DLG2: variants seen among roughly 807,000 people sequenced by gnomAD.
The protein encoded by DLG2 is discs large MAGUK scaffold protein 2.
A neutral mutation model predicts 132.5 loss-of-function variants in DLG2; 45 were observed. That is an observed-to-expected ratio of 0.34 (90% CI 0.27 to 0.44). DLG2 has a LOEUF of 0.44. Among genes scored for constraint, DLG2 ranks in the 20% least tolerant of loss-of-function variants. The pLI is 1.00. For synonymous variants in DLG2, 424 were observed against 419.6 expected, an observed-to-expected ratio of 1.01 and a Z score of -0.13; for missense variants, 1,045 against 1,196.9, an observed-to-expected ratio of 0.87 and a Z score of 1.87.
At chr11:83,871,241 G>A (rs952946397) in intron 16 of DLG2, among the ~76,000 whole-genome samples, 1 of 152,032 alleles carries the variant, frequency 6.6e-6, no homozygotes, top group Non-Finnish European at 1.5e-5. Context: ...CTGCTAATAG[G>A]GATATTATTC....
At chr11:84,036,851 T>C (rs2095876055) in intron 11 of DLG2, among the ~76,000 whole-genome samples, 1 of 152,132 alleles carries the variant, frequency 6.6e-6, no homozygotes, top group Non-Finnish European at 1.5e-5. Context: ...AGTAAATATT[T>C]AGAAGAGAGC....
intron 6 of DLG2, among the ~76,000 whole-genome samples, chr11:84,824,841 A>G (rs942064846): frequency 2.6e-5 from 4 of 151,814 alleles, no homozygotes; most frequent in Non-Finnish European, 4.4e-5. Flanking sequence ...GTGTGGCAAC[A>G]TACCAGGGCT....
At chr11:84,279,341 C>A (rs1217706855) in intron 7 of DLG2, among the ~76,000 whole-genome samples, 1 of 152,118 alleles carries the variant, frequency 6.6e-6, no homozygotes, top group Non-Finnish European at 1.5e-5. Context: ...GAAATAGGAA[C>A]AATTTTACAC....
chr11:84,492,493 T>C (rs963481239), intron 7 of DLG2, among the ~76,000 whole-genome samples: 1 of 152,192 alleles, frequency 6.6e-6, no homozygotes, highest in Non-Finnish European at 1.5e-5. Context: ...AAATTAGAGT[T>C]TGAATACTGA....
intron 6 of DLG2, among the ~76,000 whole-genome samples, chr11:84,794,604 G>C (rs562394532): frequency 7.7e-4 from 117 of 152,352 alleles, no homozygotes; most frequent in Non-Finnish European, 1.4e-3. Context: ...TATGGGCCCA[G>C]GTATCTCTGC....
At chr11:84,714,631 CTCTCTCTCTCTCTCTT>C (rs2060964608) in intron 6 of DLG2, among the ~76,000 whole-genome samples, 3 of 135,542 alleles carry the variant, frequency 2.2e-5, no homozygotes, top group African/African-American at 3.2e-5. Context: ...CTTTCTCTCT[CTCTCTCTCTCTCTCTT>C]TCTCTCTCTC....
chr11:84,931,652 G>A (rs967761899), intron 6 of DLG2, among the ~76,000 whole-genome samples: 1 of 152,140 alleles, frequency 6.6e-6, no homozygotes, highest in Non-Finnish European at 1.5e-5. Context: ...GGGTTAAATG[G>A]TATTTCTGTC....
intron 6 of DLG2, among the ~76,000 whole-genome samples, chr11:84,746,984 A>G (rs917678767): frequency 3.3e-5 from 5 of 152,194 alleles, no homozygotes; most frequent in Admixed American, 2.6e-4. Flanking sequence ...TTCTTCCTGC[A>G]TTTTATAGAT....
At chr11:84,723,920 A>G (rs899190452) in intron 6 of DLG2, among the ~76,000 whole-genome samples, 3 of 152,196 alleles carry the variant, frequency 2.0e-5, no homozygotes, top group Admixed American at 1.3e-4. Context: ...ATTACAAAAA[A>G]CAGGATTATC....
intron 7 of DLG2, among the ~76,000 whole-genome samples, chr11:84,350,976 C>T (rs1353668990): frequency 6.6e-6 from 1 of 152,082 alleles, no homozygotes; most frequent in Admixed American, 6.5e-5. Flanking sequence ...TTTAGAGAGT[C>T]ATGGTTTGGC....
At chr11:84,335,567 A>T (rs2098480843) in intron 7 of DLG2, among the ~76,000 whole-genome samples, 1 of 152,174 alleles carries the variant, frequency 6.6e-6, no homozygotes, top group Admixed American at 6.5e-5. Flanking sequence ...GTTTTCCAAC[A>T]GTTTACGGGT....
At chr11:84,621,879 T>C (rs1225118005) in intron 6 of DLG2, among the ~76,000 whole-genome samples, 1 of 152,062 alleles carries the variant, frequency 6.6e-6, no homozygotes, top group Non-Finnish European at 1.5e-5. Flanking sequence ...AGCTGAAAAT[T>C]GTCAGCACAT....
At chr11:83,624,277 A>C (rs1417484449) in intron 19 of DLG2, among the ~76,000 whole-genome samples, 1 of 152,200 alleles carries the variant, frequency 6.6e-6, no homozygotes, top group East Asian at 1.9e-4. Flanking sequence ...TGGAAGAGTC[A>C]CTTATGATAC....
At chr11:84,679,309 A>C (rs1170404441) in intron 6 of DLG2, among the ~76,000 whole-genome samples, 2 of 152,110 alleles carry the variant, frequency 1.3e-5, no homozygotes, top group Non-Finnish European at 2.9e-5. Context: ...TGGAAACATG[A>C]AAGTTCGATG....
At chr11:84,062,414 T>G (rs1032953584) in intron 10 of DLG2, among the ~76,000 whole-genome samples, 1 of 152,218 alleles carries the variant, frequency 6.6e-6, no homozygotes, top group Non-Finnish European at 1.5e-5. Context: ...TGTGGAGATG[T>G]GTACATTGTA....
intron 6 of DLG2, among the ~76,000 whole-genome samples, chr11:84,999,089 T>C (rs541231206): frequency 1.1e-4 from 17 of 152,106 alleles, no homozygotes; most frequent in African/African-American, 4.1e-4. Context: ...TTGGTCCCAA[T>C]TCCAAATATC....
chr11:85,150,792 G>T (rs891576703), intron 5 of DLG2, among the ~76,000 whole-genome samples: 2 of 149,742 alleles, frequency 1.3e-5, no homozygotes, highest in Non-Finnish European at 3.0e-5. Context: ...GGACATTTGG[G>T]TTGCTTCCAC....
At chr11:84,083,992 A>G (rs983251040) in intron 10 of DLG2, among the ~76,000 whole-genome samples, 1 of 152,184 alleles carries the variant, frequency 6.6e-6, no homozygotes, top group Non-Finnish European at 1.5e-5. Context: ...CCCAACAGAC[A>G]TAATCAGGAA....
At chr11:85,100,006 G>A (rs1447428965) in intron 6 of DLG2, among the ~76,000 whole-genome samples, 2 of 152,082 alleles carry the variant, frequency 1.3e-5, no homozygotes, top group South Asian at 2.1e-4. Context: ...AAAACCAAAC[G>A]TACCAATGGT....
Sources: gnomAD v4.1 joint callset for allele counts (sites outside exome capture counted in the v4.1 genomes callset) on GRCh38, gnomAD v4.1.1 for gene constraint, MANE v1.5 for transcripts, NCBI Gene and HGNC (gene_info 2026-07-23, HGNC 2026-07-21) for gene names.